Variants in ANO3 observed in about 807,000 individuals in gnomAD.
The protein encoded by ANO3 is anoctamin-3.
A neutral mutation model predicts 144.8 loss-of-function variants in ANO3; 99 were observed. The observed-to-expected ratio is 0.68, with a 90% CI of 0.58 to 0.81. The LOEUF (loss-of-function observed/expected upper bound fraction) is 0.81. ANO3 is among the 30% of genes least tolerant of loss of function. ANO3 has a pLI of 0.00. For missense variants in ANO3, 905 were observed against 1,202.2 expected (o/e 0.75, Z 3.66); for synonymous variants, 414 against 392.6 (o/e 1.05, Z -0.64).
intron 1 of ANO3, among the ~76,000 whole-genome samples, chr11:26,191,307 C>T (rs975259807): frequency 1.0e-4 from 15 of 148,722 alleles, no homozygotes; most frequent in Middle Eastern, 3.2e-3. Context: ...TATATATATA[C>T]ACACACACAC....
intron 1 of ANO3, among the ~76,000 whole-genome samples, chr11:26,224,776 T>C (rs921920526): frequency 6.6e-6 from 1 of 152,172 alleles, no homozygotes; most frequent in Admixed American, 6.5e-5. Context: ...ATGCCAAACA[T>C]GTGGGCCCTC....
intron 24 of ANO3, among the ~76,000 whole-genome samples, chr11:26,651,593 A>G (rs1853534105): frequency 1.3e-5 from 2 of 152,148 alleles, no homozygotes; most frequent in South Asian, 2.1e-4. Context: ...GAAACGGGTC[A>G]TTTATATTAA....
At chr11:26,566,190 A>C (rs1223791419) in intron 14 of ANO3, among the ~76,000 whole-genome samples, 1 of 151,946 alleles carries the variant, frequency 6.6e-6, no homozygotes, top group Admixed American at 6.6e-5. Flanking sequence ...GTGGAAGAAA[A>C]CCATAAAAAC....
chr11:26,646,308 G>T (rs1315334940), intron 23 of ANO3, among the ~76,000 whole-genome samples: 7 of 151,746 alleles, frequency 4.6e-5, no homozygotes, highest in African/African-American at 1.7e-4. Context: ...ACTATAAGCA[G>T]GAATAAACAT....
At chr11:26,242,043 A>C (rs1186243724) in intron 1 of ANO3, among the ~76,000 whole-genome samples, 1 of 152,228 alleles carries the variant, frequency 6.6e-6, no homozygotes, top group Non-Finnish European at 1.5e-5. Context: ...AGTTTTCTGG[A>C]CAGATGATCA....
At chr11:26,358,150 A>G (rs1321281520) in intron 1 of ANO3, among the ~76,000 whole-genome samples, 1 of 150,136 alleles carries the variant, frequency 6.7e-6, no homozygotes, top group Non-Finnish European at 1.5e-5. Context: ...TTTTACATGA[A>G]GCTTAGAATA....
chr11:26,656,772 G>T (rs1853702820), intron 26 of ANO3, among the ~76,000 whole-genome samples: 1 of 152,006 alleles, frequency 6.6e-6, no homozygotes. Context: ...TAGTAACCAA[G>T]TTTAAAAAGG....
intron 1 of ANO3, among the ~76,000 whole-genome samples, chr11:26,263,506 T>C (rs1412233025): frequency 6.6e-6 from 1 of 152,214 alleles, no homozygotes; most frequent in Non-Finnish European, 1.5e-5. Context: ...CCCAGTGTTA[T>C]TCATCTCTGG....
At chr11:26,304,014 A>G (rs1264780372) in intron 1 of ANO3, among the ~76,000 whole-genome samples, 1 of 152,088 alleles carries the variant, frequency 6.6e-6, no homozygotes, top group East Asian at 1.9e-4. Flanking sequence ...TGCACGGCCA[A>G]AATTATTTTT....
At chr11:26,392,048 G>A (rs1449185666) in intron 1 of ANO3, among the ~76,000 whole-genome samples, 2 of 151,960 alleles carry the variant, frequency 1.3e-5, no homozygotes, top group Non-Finnish European at 2.9e-5. Context: ...AATGAAGATG[G>A]AGTGCATTCT....
upstream of ANO3, among the ~76,000 whole-genome samples, chr11:26,306,696 G>A (rs1160019550): frequency 1.3e-5 from 2 of 152,042 alleles, no homozygotes; most frequent in African/African-American, 2.4e-5. Context: ...TTTAAAAACC[G>A]GAATTGCCCC....
intron 8 of ANO3, among the ~76,000 whole-genome samples, chr11:26,534,002 G>T (rs886622233): frequency 2.6e-5 from 4 of 152,096 alleles, no homozygotes; most frequent in African/African-American, 9.7e-5. Flanking sequence ...ACTCTCAAAT[G>T]GTTCTTCATT....
At chr11:26,558,292 TG>T (rs376974031) in intron 13 of ANO3, among the ~76,000 whole-genome samples, 106 of 152,294 alleles carry the variant, frequency 7.0e-4, no homozygotes, top group African/African-American at 2.5e-3. Flanking sequence ...TATTTCTTGG[TG>T]ACCTTTAAAT....
intron 1 of ANO3, among the ~76,000 whole-genome samples, chr11:26,246,437 T>C (rs981255470): frequency 7.0e-6 from 1 of 143,100 alleles, no homozygotes; most frequent in African/African-American, 2.6e-5. Context: ...AAATGAGAAA[T>C]AGTATCTAAG....
At chr11:26,414,463 C>T (rs1479048490) in intron 1 of ANO3, among the ~76,000 whole-genome samples, 1 of 151,936 alleles carries the variant, frequency 6.6e-6, no homozygotes, top group African/African-American at 2.4e-5. Flanking sequence ...AGCCAGAAGC[C>T]ATCATCCTCA....
chr11:26,628,566 C>T (rs536555016), intron 18 of ANO3, among the ~76,000 whole-genome samples: 5 of 152,266 alleles, frequency 3.3e-5, no homozygotes, highest in East Asian at 1.9e-4. Flanking sequence ...GTGAATGGCA[C>T]GGTGTTGAAA....
intron 12 of ANO3, among the ~76,000 whole-genome samples, chr11:26,548,745 C>G (rs2134220299): frequency 6.6e-6 from 1 of 151,932 alleles, no homozygotes; most frequent in African/African-American, 2.4e-5. Flanking sequence ...AAAGAAACAC[C>G]TACTGCAAAA....
intron 3 of ANO3, among the ~76,000 whole-genome samples, chr11:26,446,031 C>A (rs1858691078): frequency 6.6e-6 from 1 of 152,024 alleles, no homozygotes; most frequent in Non-Finnish European, 1.5e-5. Context: ...GGGGTTTCAC[C>A]ATGTTGGCCA....
At chr11:26,372,353 C>A in intron 1 of ANO3, among the ~76,000 whole-genome samples, 1 of 152,168 alleles carries the variant, frequency 6.6e-6, no homozygotes, top group South Asian at 2.1e-4. Context: ...AACCTCTTTG[C>A]TTTATGACAT....
Sources: gnomAD v4.1 joint callset for allele counts (sites outside exome capture counted in the v4.1 genomes callset) on GRCh38, gnomAD v4.1.1 for gene constraint, MANE v1.5 for transcripts, NCBI Gene and HGNC (gene_info 2026-07-23, HGNC 2026-07-21) for gene names.